EYS: variants seen among roughly 807,000 people sequenced by gnomAD.
EYS encodes protein eyes shut homolog.
In EYS, 250 loss-of-function variants were observed where a neutral mutation model predicts 282.1. The observed-to-expected ratio is 0.89, with a 90% CI of 0.80 to 0.98. The LOEUF (loss-of-function observed/expected upper bound fraction) is 0.98, where lower values mean the gene tolerates loss of function less well. EYS is among the 50% of genes least tolerant of loss of function. EYS has a pLI of 0.00. For synonymous variants in EYS, 1,355 were observed against 1,282.9 expected (o/e 1.06, Z -1.20); for missense variants, 4,016 against 3,709.0 (o/e 1.08, Z -2.15).
intron 36 of EYS, among the ~76,000 whole-genome samples, chr6:63,825,002 T>C (rs67904296): frequency 0.13 from 20,210 of 152,092 alleles, 1,701 homozygotes; most frequent in African/African-American, 0.24. Context: ...GGCAGAAATC[T>C]GGCAAGTTTT....
intron 11 of EYS, among the ~76,000 whole-genome samples, chr6:65,332,767 A>G (rs1769842542): frequency 6.6e-6 from 1 of 151,314 alleles, no homozygotes; most frequent in South Asian, 2.1e-4. Flanking sequence ...AGCCATGAAC[A>G]TTTCATAGTG....
chr6:64,929,752 A>G (rs1768647447), intron 15 of EYS, among the ~76,000 whole-genome samples: 1 of 152,122 alleles, frequency 6.6e-6, no homozygotes, highest in Non-Finnish European at 1.5e-5. Flanking sequence ...GGGAACTGAG[A>G]GATATCATAC....
intron 35 of EYS, among the ~76,000 whole-genome samples, chr6:63,918,726 C>T (rs901148655): frequency 2.0e-5 from 3 of 152,128 alleles, no homozygotes; most frequent in Non-Finnish European, 2.9e-5. Flanking sequence ...ATATCATTTC[C>T]GTCGAAACAA....
intron 5 of EYS, among the ~76,000 whole-genome samples, chr6:65,486,459 A>G (rs535497994): frequency 3.9e-5 from 6 of 152,204 alleles, no homozygotes; most frequent in Non-Finnish European, 8.8e-5. Flanking sequence ...AAATTTGATT[A>G]AACAGCTAAA....
At chr6:65,248,957 G>A (rs1056943168) in intron 12 of EYS, among the ~76,000 whole-genome samples, 1 of 151,818 alleles carries the variant, frequency 6.6e-6, no homozygotes, top group Admixed American at 6.6e-5. Context: ...ACTCCTTTGT[G>A]GAGCTCAGAC....
At chr6:64,992,175 A>G (rs1360003238) in intron 14 of EYS, among the ~76,000 whole-genome samples, 1 of 151,866 alleles carries the variant, frequency 6.6e-6, no homozygotes, top group East Asian at 1.9e-4. Flanking sequence ...AATAATAGGT[A>G]TTTGCTTATG....
intron 26 of EYS, among the ~76,000 whole-genome samples, chr6:64,584,685 T>C (rs1375279915): frequency 6.6e-6 from 1 of 152,100 alleles, no homozygotes; most frequent in Non-Finnish European, 1.5e-5. Flanking sequence ...TAGTTTTTAT[T>C]TGCAAATTGT....
At chr6:65,345,463 T>C (rs1344664003) in intron 9 of EYS, among the ~76,000 whole-genome samples, 2 of 151,836 alleles carry the variant, frequency 1.3e-5, no homozygotes, top group South Asian at 2.1e-4. Flanking sequence ...GAATACTTTA[T>C]TGAAAATTTG....
intron 22 of EYS, among the ~76,000 whole-genome samples, chr6:64,791,911 C>T (rs1019396866): frequency 6.6e-6 from 1 of 151,826 alleles, no homozygotes; most frequent in African/African-American, 2.4e-5. Flanking sequence ...TTTTAATATA[C>T]TTTTCATAGA....
At chr6:64,862,730 G>A (rs1583234384) in intron 19 of EYS, among the ~76,000 whole-genome samples, 1 of 152,046 alleles carries the variant, frequency 6.6e-6, no homozygotes, top group South Asian at 2.1e-4. Context: ...GCATTCGTAT[G>A]TAATGGCACA....
chr6:63,792,221 GA>G (rs1770535040), intron 37 of EYS, among the ~76,000 whole-genome samples: 1 of 151,688 alleles, frequency 6.6e-6, no homozygotes, highest in Non-Finnish European at 1.5e-5. Context: ...GAGAGCCAGG[GA>G]ACCAATCACC....
intron 29 of EYS, among the ~76,000 whole-genome samples, chr6:64,343,210 T>C (rs1407631350): frequency 1.3e-5 from 2 of 152,044 alleles, no homozygotes; most frequent in Non-Finnish European, 2.9e-5. Context: ...GCGGACCTAA[T>C]AGACATCTAC....
At chr6:65,451,254 T>C (rs1764386909) in intron 5 of EYS, among the ~76,000 whole-genome samples, 1 of 152,064 alleles carries the variant, frequency 6.6e-6, no homozygotes, top group Non-Finnish European at 1.5e-5. Context: ...TAATAAAGAC[T>C]CATGTTTGTA....
intron 36 of EYS, among the ~76,000 whole-genome samples, chr6:63,832,442 A>G (rs1226703769): frequency 2.6e-5 from 4 of 152,236 alleles, no homozygotes; most frequent in African/African-American, 9.6e-5. Context: ...AAACACCTCT[A>G]TGCAAATAAA....
intron 26 of EYS, among the ~76,000 whole-genome samples, chr6:64,492,607 T>G (rs745978267): frequency 2.1e-4 from 32 of 151,394 alleles, no homozygotes; most frequent in Admixed American, 5.9e-4. Context: ...GTAATTAACC[T>G]TCTTAAATAT....
chr6:65,410,736 T>C (rs1766958428), intron 5 of EYS, among the ~76,000 whole-genome samples: 1 of 151,824 alleles, frequency 6.6e-6, no homozygotes, highest in Non-Finnish European at 1.5e-5. Context: ...ACCAAAGAGA[T>C]ATTTTTACCC....
At chr6:65,331,716 C>A (rs565730876) in intron 11 of EYS, 12 of 981,098 alleles carry the variant, frequency 1.2e-5, no homozygotes, top group South Asian at 4.7e-5. Flanking sequence ...TTCTGAAAAT[C>A]ATTGTTTCAT....
intron 31 of EYS, among the ~76,000 whole-genome samples, chr6:64,109,864 G>C (rs1773149607): frequency 6.6e-6 from 1 of 152,112 alleles, no homozygotes; most frequent in Non-Finnish European, 1.5e-5. Flanking sequence ...TATATGGGAA[G>C]TTGTTGGGTT....
chr6:64,513,022 G>A (rs963795142), intron 26 of EYS, among the ~76,000 whole-genome samples: 27 of 150,498 alleles, frequency 1.8e-4, no homozygotes, highest in Non-Finnish European at 2.4e-4. Context: ...AAAAAAAAAA[G>A]AAACTTAAGT....
Sources: gnomAD v4.1 joint callset for allele counts (sites outside exome capture counted in the v4.1 genomes callset) on GRCh38, gnomAD v4.1.1 for gene constraint, MANE v1.5 for transcripts, NCBI Gene and HGNC (gene_info 2026-07-23, HGNC 2026-07-21) for gene names.